Variants in GALK1 observed in about 807,000 individuals in gnomAD.
The protein encoded by GALK1 is galactokinase 1.
Under a neutral mutation model 38.6 loss-of-function variants are expected in GALK1, and 30 were observed. The observed-to-expected ratio is 0.78, with a 90% CI of 0.58 to 1.05. The LOEUF (loss-of-function observed/expected upper bound fraction) is 1.05, where lower values mean the gene tolerates loss of function less well. Among genes scored for constraint, GALK1 ranks in the 50% least tolerant of loss-of-function variants. The probability of loss-of-function intolerance (pLI) is 0.00; values close to 1 mark genes in which losing one functional copy is unlikely to be tolerated. For synonymous variants in GALK1, 240 were observed against 233.6 expected, an observed-to-expected ratio of 1.03 and a Z score of -0.25; for missense variants, 512 against 540.5, an observed-to-expected ratio of 0.95 and a Z score of 0.52.
At chr17:75,754,506 G>A (rs2061440463), downstream of GALK1, 11 of 1,603,564 alleles carry the variant, frequency 6.9e-6, no homozygotes, top group Non-Finnish European at 9.4e-6. Context: ...GAATGTGCAG[G>A]GCCCAGCCTG....
At chr17:75,761,619 C>CAAA (rs1308592639) in intron 5 of GALK1, among the ~76,000 whole-genome samples, 2 of 48,674 alleles carry the variant, frequency 4.1e-5, no homozygotes, top group African/African-American at 8.1e-5. Flanking sequence ...TCCACCTCAC[C>CAAA]AAAAAAAAAA....
downstream of GALK1, among the ~76,000 whole-genome samples, chr17:75,754,199 C>G (rs911375258): frequency 6.6e-6 from 1 of 152,176 alleles, no homozygotes; most frequent in Non-Finnish European, 1.5e-5. Flanking sequence ...GGTGCAAATT[C>G]AGAAGTCTGC....
At chr17:75,757,549 A>G (rs749641606), downstream of GALK1, 2 of 1,613,128 alleles carry the variant, frequency 1.2e-6, no homozygotes, top group Admixed American at 3.3e-5. Context: ...AGTTCTTCCA[A>G]ACTTGACCGC....
At chr17:75,755,805 C>T (rs150277911), downstream of GALK1, 134 of 1,609,752 alleles carry the variant, frequency 8.3e-5, no homozygotes, top group Admixed American at 2.3e-4. Context: ...GCGGTGCGAG[C>T]GGCCGCTGCA....
chr17:75,757,593 G>C (rs371860241), downstream of GALK1: 258 of 1,612,200 alleles, frequency 1.6e-4, no homozygotes, highest in Middle Eastern at 2.0e-3. Flanking sequence ...CCCACTAGGC[G>C]TCCTCCCGAC....
At chr17:75,763,680 A>C in intron 2 of GALK1, 1 of 695,836 alleles carries the variant, frequency 1.4e-6, no homozygotes, top group Non-Finnish European at 2.4e-6. Context: ...GGAGGGAAAA[A>C]AGGCTGGGGT....
At chr17:75,752,106 G>A in intron 8 of GALK1, 8 of 1,529,766 alleles carry the variant, frequency 5.2e-6, no homozygotes, top group Non-Finnish European at 7.2e-6. Context: ...CCGTCCTGCT[G>A]TGTCAGGGGT....
At chr17:75,754,923 C>T, downstream of GALK1, 1 of 1,555,620 alleles carries the variant, frequency 6.4e-7, no homozygotes, top group African/African-American at 1.4e-5. Flanking sequence ...CTCCAACATA[C>T]ACACACGCAT....
At chr17:75,763,482 G>C (rs1278084227) in intron 2 of GALK1, 43 bp from the exon 3 acceptor site, 1 of 1,556,158 alleles carries the variant, frequency 6.4e-7, no homozygotes, top group Admixed American at 1.9e-5. Context: ...GGCTGCCTGG[G>C]AGGATGGCAC....
downstream of GALK1, chr17:75,756,384 G>A: frequency 6.2e-7 from 1 of 1,604,240 alleles, no homozygotes; most frequent in South Asian, 1.1e-5. Context: ...GGCCAGGGGT[G>A]GGAGTAACAC....
chr17:75,751,714 C>A (rs1265254205), exon 9 of GALK1: 2 of 236,080 alleles, frequency 8.5e-6, no homozygotes, highest in Non-Finnish European at 1.7e-5. Flanking sequence ...GCACTCCAGA[C>A]AGGGTGACAG....
chr17:75,762,231 C>A (rs1237485066), intron 5 of GALK1, among the ~76,000 whole-genome samples: 1 of 152,022 alleles, frequency 6.6e-6, no homozygotes, highest in Non-Finnish European at 1.5e-5. Context: ...CTGGGAGGAT[C>A]CCTTGAGCTC....
At chr17:75,759,285 G>C (rs574141542) in intron 5 of GALK1, among the ~76,000 whole-genome samples, 1 of 152,028 alleles carries the variant, frequency 6.6e-6, no homozygotes, top group Non-Finnish European at 1.5e-5. Context: ...AAAGTTAGCC[G>C]GGCATCGTGG....
At position 75,763,985 on chromosome 17, in the gene GALK1, C is replaced by A. The variant is rs144915547; in HGVS notation, c.267G>T (p.Gln89His). Residue 89 changes from glutamine (Q) to histidine (H), a missense_variant, in exon 2 of 8, where the codon CAG (glutamine) becomes CAT (histidine). By Grantham distance (24) the Gln-to-His change is conservative (BLOSUM62 0). Coordinates refer to ENST00000588479, the MANE Select transcript of GALK1 (RefSeq NM_000154.2). ...AGCGCTGGGCTGTGGGCAGTGGAAA[C>A]TGCAGCCGCTGGGGCTCATCGGCAC... ...SEGADEPQRLQFPLPTAQRSL... is the reference protein window; with the variant it reads ...SEGADEPQRLHFPLPTAQRSL... 120 of 1,612,250 alleles carry A rather than the reference C, an allele frequency of 7.4e-5. No individual in the cohort carries two copies. Among genetic ancestry groups the A allele is most frequent in the Non-Finnish European group, 9.7e-5 (114 of 1,179,760 alleles).
At chr17:75,756,239 AGGCTCCACT>A (rs2061498004), downstream of GALK1, among the ~76,000 whole-genome samples, 1 of 152,168 alleles carries the variant, frequency 6.6e-6, no homozygotes, top group African/African-American at 2.4e-5. Flanking sequence ...GTGGGATTAC[AGGCTCCACT>A]CTTGTATAGT....
At chr17:75,763,857 T>C in intron 2 of GALK1, 40 bp downstream of exon 2, 2 of 1,577,432 alleles carry the variant, frequency 1.3e-6, no homozygotes, top group African/African-American at 1.3e-5. Flanking sequence ...GTGGCACTCC[T>C]AGTATCAGTG....
chr17:75,764,234 C>T, intron 1 of GALK1, 148 bp from the exon 2 acceptor site: 2 of 847,912 alleles, frequency 2.4e-6, no homozygotes, highest in Non-Finnish European at 2.0e-6. Context: ...ATCCTGAGGG[C>T]CAGCTGACCT....
At chr17:75,763,510 T>A (rs1027992509) in intron 2 of GALK1, 71 bp from the exon 3 acceptor site, 2 of 1,512,250 alleles carry the variant, frequency 1.3e-6, no homozygotes, top group Non-Finnish European at 1.8e-6. Context: ...GCAGGTGTCC[T>A]GGCGGGAAGG....
chr17:75,756,926 G>T (rs1371595327), downstream of GALK1: 1 of 1,612,324 alleles, frequency 6.2e-7, no homozygotes, highest in African/African-American at 1.3e-5. Context: ...GACGCTGAAG[G>T]CATCTTCCCT....
Sources: gnomAD v4.1 joint callset for allele counts (sites outside exome capture counted in the v4.1 genomes callset) on GRCh38, gnomAD v4.1.1 for gene constraint, MANE v1.5 for transcripts, NCBI Gene and HGNC (gene_info 2026-07-23, HGNC 2026-07-21) for gene names.